Variants in DMD observed in about 807,000 individuals in gnomAD.
DMD encodes the protein mutant dystrophin.
DMD carries 63 observed loss-of-function variants against 330.1 expected under a neutral mutation model. That is an observed-to-expected ratio of 0.19 (90% confidence interval 0.16 to 0.24). The LOEUF is 0.24. DMD is among the 10% of genes least tolerant of loss of function. The pLI, the probability that DMD is intolerant of heterozygous loss-of-function variation, is 1.00. For missense variants in DMD, 3,344 were observed against 2,684.1 expected (o/e 1.25, Z -5.43); for synonymous variants, 1,223 against 959.8 (o/e 1.27, Z -5.07).
intron 21 of DMD, among the ~76,000 whole-genome samples, chrX:32,480,986 A>G (rs1036999462): frequency 2.7e-4 from 30 of 110,940 alleles, no homozygotes; most frequent in African/African-American, 9.5e-4. Context: ...AAAAAATTTA[A>G]AATTTTAATA....
chrX:32,579,699 C>A (rs780525791), intron 13 of DMD, among the ~76,000 whole-genome samples: 1 of 112,906 alleles, frequency 8.9e-6, no homozygotes, highest in Non-Finnish European at 1.9e-5. Flanking sequence ...ACATTTGACA[C>A]TGTAACTCTG....
intron 4 of DMD, among the ~76,000 whole-genome samples, chrX:32,840,872 T>G (rs1478257570): frequency 1.8e-5 from 2 of 112,082 alleles, no homozygotes; most frequent in Non-Finnish European, 3.8e-5. Flanking sequence ...CATATATATG[T>G]GTTTTTGGCA....
chrX:31,421,940 CACATATATATATATATAT>C (rs2063413304), intron 60 of DMD, among the ~76,000 whole-genome samples: 4 of 53,972 alleles, frequency 7.4e-5, no homozygotes, highest in African/African-American at 3.0e-4. Context: ...TATACACACA[CACATATATATATATATAT>C]ACACATATAT....
chrX:32,688,113 T>G (rs1244269235), intron 9 of DMD, among the ~76,000 whole-genome samples: 3 of 111,882 alleles, frequency 2.7e-5, no homozygotes, highest in African/African-American at 3.2e-5. Context: ...CGCCCTGACC[T>G]GCTTAAACAC....
intron 13 of DMD, among the ~76,000 whole-genome samples, chrX:32,583,024 A>G (rs2053828988): frequency 9.0e-6 from 1 of 111,198 alleles, no homozygotes; most frequent in Non-Finnish European, 1.9e-5. Context: ...TAACCCCCTA[A>G]TATCTTCCAG....
chrX:31,434,844 C>T (rs923282785), intron 60 of DMD, among the ~76,000 whole-genome samples: 2 of 112,054 alleles, frequency 1.8e-5, no homozygotes, highest in Non-Finnish European at 1.9e-5. Flanking sequence ...GAAATTCATA[C>T]AACCCTCCTA....
chrX:32,729,518 C>A (rs1336654459), intron 7 of DMD, among the ~76,000 whole-genome samples: 1 of 111,731 alleles, frequency 9.0e-6, no homozygotes, highest in African/African-American at 3.3e-5. Context: ...CTGAATGATT[C>A]TCCAAGAGGA....
chrX:32,386,425 T>G lies in DMD; in HGVS notation c.4559A>C (p.Glu1520Ala). ...KSLSEVKSEV[E>A]MVIKTGRQIV... ...CTGACGTCCAGTCTTTATCACCATT[T>G]CCACTTCAGACTTCACTTCACTCAG... is the stretch of plus-strand genomic sequence containing the variant. Residue 1520 changes from glutamate to alanine, a missense_variant, in exon 33 of 79, where the codon GAA becomes GCA. Coordinates refer to ENST00000357033, the MANE Select transcript of DMD (RefSeq NM_004006.3). The G allele has an allele frequency of 8.3e-7, 1 of 1,208,392 alleles. No homozygotes were observed. The highest frequency in any genetic ancestry group is 1.1e-6 in the Non-Finnish European group (1 of 892,993).
Position 31,822,653 on chromosome X carries a change from G to GGGTGT in DMD, c.7201-2571_7201-2570insACACC, listed in dbSNP as rs58903799. On this transcript the variant is annotated intron_variant, in intron 49 of 78. Transcript: ENST00000357033. ...TTGGCCATACAGAAAAAGGCAGAGG[G>GGGTGT]GTGTGTGTGTGTGTGTGTGTGTGTG... Among the ~76,000 whole-genome samples the GGGTGT allele has an allele frequency of 6.1e-3, 401 of 65,808 alleles. 2 individuals carry two copies. Among genetic ancestry groups the GGGTGT allele is most frequent in the Non-Finnish European group, 6.9e-3 (260 of 37,823 alleles). The allele number at this position is 65,808 out of a possible 115,157, so 57.1% of individuals were successfully genotyped here.
At chrX:33,020,325 G>C (rs2093889548) in intron 1 of DMD, 125 bp from the exon 2 acceptor site, 2 of 486,968 alleles carry the variant, frequency 4.1e-6, no homozygotes, top group Admixed American at 7.2e-5. Context: ...TACATTCATT[G>C]ATAAATGGAA....
intron 61 of DMD, among the ~76,000 whole-genome samples, chrX:31,338,309 C>CAAAAAAAAAA (rs752828727): frequency 7.5e-5 from 4 of 53,367 alleles, no homozygotes; most frequent in African/African-American, 1.5e-4. Flanking sequence ...AGTAAAAATA[C>CAAAAAAAAAA]AAAAAAAAAA....
intron 7 of DMD, among the ~76,000 whole-genome samples, chrX:32,760,065 TTTATA>T (rs2072066725): frequency 9.4e-6 from 1 of 106,569 alleles, no homozygotes; most frequent in African/African-American, 3.4e-5. Flanking sequence ...CTATTTTGTG[TTTATA>T]TTATACTTTT....
chrX:32,743,371 A>G (rs188738016), intron 7 of DMD, among the ~76,000 whole-genome samples: 1 of 111,036 alleles, frequency 9.0e-6, no homozygotes, highest in Non-Finnish European at 1.9e-5. Context: ...TCATTTTCCT[A>G]CTCATATTCC....
At chrX:31,807,915 T>C (rs2092342164) in intron 50 of DMD, among the ~76,000 whole-genome samples, 1 of 111,666 alleles carries the variant, frequency 9.0e-6, no homozygotes, top group Non-Finnish European at 1.9e-5. Flanking sequence ...CTGTGCCCAC[T>C]TAGTAGCTGG....
At chrX:33,195,400 T>G (rs976006361) in intron 1 of DMD, among the ~76,000 whole-genome samples, 3 of 111,424 alleles carry the variant, frequency 2.7e-5, no homozygotes, top group Non-Finnish European at 5.6e-5. Context: ...CTGGCATGCA[T>G]GCACTATAGG....
At chrX:32,336,171 T>G (rs978201153) in intron 41 of DMD, among the ~76,000 whole-genome samples, 1 of 109,848 alleles carries the variant, frequency 9.1e-6, no homozygotes. Context: ...GTGTATAACA[T>G]GTGTATATAT....
At chrX:31,418,421 G>A (rs2063183218) in intron 60 of DMD, among the ~76,000 whole-genome samples, 1 of 111,470 alleles carries the variant, frequency 9.0e-6, no homozygotes, top group Non-Finnish European at 1.9e-5. Flanking sequence ...TGAATTTTGG[G>A]GAGACACAAA....
chrX:32,323,596 G>A (rs2097632996), intron 41 of DMD, among the ~76,000 whole-genome samples: 1 of 111,408 alleles, frequency 9.0e-6, no homozygotes, highest in Non-Finnish European at 1.9e-5. Context: ...TTGGTGATGA[G>A]GGCATTGTTC....
chrX:31,391,262 G>A (rs1467883102), intron 60 of DMD, among the ~76,000 whole-genome samples: 5 of 109,936 alleles, frequency 4.5e-5, no homozygotes, highest in Non-Finnish European at 7.6e-5. Flanking sequence ...GCAATTCTCC[G>A]GCCTCAGCCT....
Sources: gnomAD v4.1 joint callset for allele counts (sites outside exome capture counted in the v4.1 genomes callset) on GRCh38, gnomAD v4.1.1 for gene constraint, MANE v1.5 for transcripts, NCBI Gene and HGNC (gene_info 2026-07-23, HGNC 2026-07-21) for gene names.